The following LCE2D variants were observed in gnomAD, a reference collection of about 807,000 sequenced individuals.
LCE2D encodes late cornified envelope 2D.
For missense variants in LCE2D, 161 were observed against 142.9 expected, an observed-to-expected ratio of 1.13 and a Z score of -0.65; for synonymous variants, 55 against 51.3, an observed-to-expected ratio of 1.07 and a Z score of -0.31.
At position 152,664,137 on chromosome 1, in the gene LCE2D, A is replaced by T; in HGVS notation, c.32A>T (p.Gln11Leu). ...TGCCAGCAAAACCAGCAGCAGTGCC[A>T]GCCCCCTCCCAAATGTCCTCCCAAG... MSCQQNQQQC[Q>L]PPPKCPPKCT... Residue 11 changes from glutamine (Q) to leucine (L), a missense_variant, in exon 2 of 2, where the codon CAG becomes CTG. Gln to Leu is a moderately radical substitution (Grantham distance 113, BLOSUM62 -2). Coordinates refer to ENST00000368784, the MANE Select transcript of LCE2D (RefSeq NM_178430.4). 6.2e-7 allele frequency: 1 copy of T among 1,614,170 alleles called. No individual in the cohort carries two copies. The highest frequency in any genetic ancestry group is 8.5e-7 in the Non-Finnish European group (1 of 1,180,016).
rs766724137 is a variant in LCE2D, at chr1:152,664,227, C to T, written c.122C>T (p.Ser41Phe). Residue 41 changes from serine (S) to phenylalanine (F), a missense_variant, in exon 2 of 2, where the codon TCC becomes TTC. Ser to Phe is a radical substitution (Grantham distance 155, BLOSUM62 -2). Transcript: ENST00000368784. ...KCPPQCPAPC[S>F]PAVSSCCGPS... ...CCACCACAGTGCCCAGCTCCATGTTCCCCTGCAGTCTCTTCCTGCTGTGGT... is the reference window on the plus strand; with the variant it reads ...CCACCACAGTGCCCAGCTCCATGTTTCCCTGCAGTCTCTTCCTGCTGTGGT... 4.2e-5 allele frequency: 68 copies of T among 1,614,094 alleles called. 1 individual carries two copies. The highest frequency in any genetic ancestry group is 8.8e-5 in the South Asian group (8 of 91,086).
In LCE2D at chr1:152,664,435, C is replaced by T; in HGVS notation, c.330C>T (p.Cys110=). ...GCTGCCACAGCTCTGGGGGCTGCTG[C>T]TGACCTGGGCTGCAGAAGAGCTCTG... ...SGCCHSSGGC[C] is the part of the protein sequence containing the mutation. Residue 110 remains cysteine (C), a synonymous_variant, in exon 2 of 2, where the codon TGC becomes TGT. Transcript: ENST00000368784. 1 of 1,609,988 alleles carries T rather than the reference C, an allele frequency of 6.2e-7. No homozygotes were observed.
chr1:152,663,734 T>C (rs74129687), intron 1 of LCE2D, among the ~76,000 whole-genome samples: 2,730 of 152,304 alleles, frequency 0.018, 94 homozygotes, highest in African/African-American at 0.062. Context: ...GGAGTTTTCA[T>C]GGCTAAACAT....
chr1:152,664,193 C>T lies in LCE2D; in HGVS notation c.88C>T (p.Pro30Ser). ...CTPKCPPKCP[P>S]KCPPQCPAPC... The stretch of plus-strand genomic sequence containing the variant: ...CCCAAAATGTCCACCTAAGTGTCCC[C>T]CCAAATGCCCACCACAGTGCCCAGC... Residue 30 changes from proline (P) to serine (S), a missense_variant, in exon 2 of 2, where the codon CCC becomes TCC. By Grantham distance (74) the Pro-to-Ser change is moderately conservative. Transcript: ENST00000368784. The T allele has an allele frequency of 6.2e-7, 1 of 1,614,228 alleles. No homozygotes were observed. Among genetic ancestry groups the T allele is most frequent in the Non-Finnish European group, 8.5e-7 (1 of 1,180,048 alleles).
intron 1 of LCE2D, 101 bp from the exon 2 acceptor site, chr1:152,663,984 C>T (rs1648476004): frequency 3.7e-6 from 5 of 1,339,214 alleles, no homozygotes; most frequent in East Asian, 4.7e-5. Flanking sequence ...GACTGTATTA[C>T]CTAAATATCA....
In LCE2D at chr1:152,664,325, A is replaced by G; in HGVS notation, c.220A>G (p.Ser74Gly). 2 of 1,613,932 alleles carry G rather than the reference A, an allele frequency of 1.2e-6. No individual in the cohort carries two copies. Among genetic ancestry groups the G allele is most frequent in the South Asian group, 2.2e-5 (2 of 91,056 alleles). Residue 74 changes from serine to glycine, a missense_variant, in exon 2 of 2, where the codon AGC becomes GGC. Physicochemically the swap from Ser to Gly is moderately conservative, Grantham distance 56 (BLOSUM62 0). Transcript: ENST00000368784. The stretch of plus-strand genomic sequence containing the variant: ...CTCTGGGGGTGGTGGCTGCTGCCTG[A>G]GCCACCACAGGCCCCGTCTCTTCCA... ...CSSGGGGCCL[S>G]HHRPRLFHRR...
chr1:152,663,963 G>T (rs544357298), intron 1 of LCE2D, 122 bp from the exon 2 acceptor site: 10 of 1,117,906 alleles, frequency 8.9e-6, no homozygotes, highest in Admixed American at 2.8e-5. Context: ...TTTCTTTCAG[G>T]TTACTGATGT....
intron 1 of LCE2D, 120 bp from the exon 2 acceptor site, chr1:152,663,965 T>C (rs541463592): frequency 3.1e-4 from 347 of 1,134,724 alleles, no homozygotes; most frequent in Non-Finnish European, 4.2e-4. Flanking sequence ...TCTTTCAGGT[T>C]ACTGATGTGA....
rs958277741 is a variant in LCE2D, at chr1:152,664,588, G to A, written c.*150G>A. The A allele has an allele frequency of 3.5e-6, 4 of 1,144,512 alleles. No individual in the cohort carries two copies. The highest frequency in any genetic ancestry group is 2.5e-5 in the East Asian group (1 of 39,346). The allele number at this position is 1,144,512 out of a possible 1,614,324, so 70.9% of individuals were successfully genotyped here. ...TCCCCAGAACTTTGTGCTTGATGGA[G>A]CACCCCAGATGGAAGCCTTCTTTTT... On this transcript the variant is annotated 3_prime_UTR_variant, in exon 2 of 2. Transcript: ENST00000368784.
At chr1:152,664,038 T>C in intron 1 of LCE2D, 47 bp from the exon 2 acceptor site, 2 of 1,577,226 alleles carry the variant, frequency 1.3e-6, no homozygotes, top group Non-Finnish European at 1.7e-6. Flanking sequence ...GGCATAATTA[T>C]GACCTTTGGT....
rs182232627 is a variant in LCE2D, at chr1:152,664,487, A to C, written c.*49A>C. 2,066 of 1,550,014 alleles carry C rather than the reference A, an allele frequency of 1.3e-3. 1 individual carries two copies. The highest frequency in any genetic ancestry group is 1.7e-3 in the Non-Finnish European group (1,903 of 1,151,702). On this transcript the variant is annotated 3_prime_UTR_variant, in exon 2 of 2. Transcript: ENST00000368784. ...TACTGAATGGTCAAAAACCTGCTAC[A>C]GCCTGATGCTTAACTATTTCCCCTT...
chr1:152,663,943 A>T (rs1008502554), intron 1 of LCE2D, 142 bp from the exon 2 acceptor site: 6 of 938,622 alleles, frequency 6.4e-6, no homozygotes, highest in Non-Finnish European at 7.9e-6. Flanking sequence ...TGGAAGAAAG[A>T]TTCAAGTTGT....
In LCE2D at chr1:152,664,378, C is replaced by G; in HGVS notation, c.273C>G (p.Cys91Trp). The change falls in exon 2 of 2, where the codon TGC becomes TGG. Residue 91 changes from cysteine to tryptophan, a missense_variant. Coordinates refer to ENST00000368784, the MANE Select transcript of LCE2D (RefSeq NM_178430.4). ...FHRRRHQSPD[C>W]CESEPSGASG... Reference sequence around the variant, plus strand: ...GGCGCCGGCACCAGAGCCCCGATTGCTGTGAGAGTGAACCTTCTGGGGCCT... The same window carrying G: ...GGCGCCGGCACCAGAGCCCCGATTGGTGTGAGAGTGAACCTTCTGGGGCCT... The G allele has an allele frequency of 6.2e-7, 1 of 1,608,230 alleles. No homozygotes were observed. The highest frequency in any genetic ancestry group is 8.5e-7 in the Non-Finnish European group (1 of 1,175,462).
At chr1:152,663,560 C>G (rs751284159) in intron 1 of LCE2D, 131 bp downstream of exon 1, 1 of 156,640 alleles carries the variant, frequency 6.4e-6, no homozygotes, top group African/African-American at 2.4e-5. Context: ...CTCAGTTTGC[C>G]TCAAATCTCT....
At position 152,664,556 on chromosome 1, in the gene LCE2D, T is replaced by A; in HGVS notation, c.*118T>A. On this transcript the variant is annotated 3_prime_UTR_variant, in exon 2 of 2. Transcript: ENST00000368784. ...GGTGGACAGGGACCACAAAGACTCA[T>A]GGGGCTTCCCCAGAACTTTGTGCTT... The A allele has an allele frequency of 6.9e-7, 1 of 1,443,366 alleles. No individual in the cohort carries two copies. The highest frequency in any genetic ancestry group is 9.3e-7 in the Non-Finnish European group (1 of 1,079,550). The allele number at this position is 1,443,366 out of a possible 1,614,324, so 89.4% of individuals were successfully genotyped here.
Position 152,664,208 on chromosome 1 carries a change from C to A in LCE2D, c.103C>A (p.Gln35Lys). 3 of 1,614,232 alleles carry A rather than the reference C, an allele frequency of 1.9e-6. No individual in the cohort carries two copies. Among genetic ancestry groups the A allele is most frequent in the Non-Finnish European group, 2.5e-6 (3 of 1,180,048 alleles). The change falls in exon 2 of 2, where the codon CAG becomes AAG. Residue 35 changes from glutamine (Q) to lysine (K), a missense_variant. Coordinates refer to ENST00000368784, the MANE Select transcript of LCE2D (RefSeq NM_178430.4). ...TAAGTGTCCCCCCAAATGCCCACCA[C>A]AGTGCCCAGCTCCATGTTCCCCTGC... ...PPKCPPKCPP[Q>K]CPAPCSPAVS...
Position 152,664,654 on chromosome 1 carries a change from T to C in LCE2D, c.*216T>C. 1.6e-6 allele frequency: 1 copy of C among 622,930 alleles called. No homozygotes were observed. The highest frequency in any genetic ancestry group is 2.7e-6 in the Non-Finnish European group (1 of 368,824). 38.6% of individuals were successfully genotyped at this position (622,930 alleles called of 1,614,324 possible). A position where few individuals can be genotyped will look rare whatever the true frequency, so the allele number is the denominator to read the frequency against. ...TTGTAATAAAGCTCTGATTTCTGACTCTTTAAATGTCTTGGTCATACTCTT... is the reference window on the plus strand; with the variant it reads ...TTGTAATAAAGCTCTGATTTCTGACCCTTTAAATGTCTTGGTCATACTCTT... On this transcript the variant is annotated 3_prime_UTR_variant, in exon 2 of 2. Coordinates refer to ENST00000368784, the MANE Select transcript of LCE2D (RefSeq NM_178430.4).
At chr1:152,663,797 G>C (rs552700314) in intron 1 of LCE2D, among the ~76,000 whole-genome samples, 78 of 152,306 alleles carry the variant, frequency 5.1e-4, no homozygotes, top group African/African-American at 1.8e-3. Context: ...GCTGGGGCTT[G>C]TATTAAGAGA....
rs561683366 is a variant in LCE2D at position 152,663,394 on chromosome 1, C to G, written c.-57C>G. 6.6e-6 allele frequency: 1 copy of G among 152,606 alleles called. No homozygotes were observed. Among genetic ancestry groups the G allele is most frequent in the South Asian group, 2.1e-4 (1 of 4,824 alleles). The allele number at this position is 152,606 out of a possible 1,614,324, so 9.5% of individuals were successfully genotyped here. ...TTCAGCACCTCATCTGCTCTGACTC[C>G]CCAGGGACGTGTCTGTGCTTTTGCA... On this transcript the variant is annotated 5_prime_UTR_variant, in exon 1 of 2. Transcript: ENST00000368784.
Sources: allele counts gnomAD v4.1 joint callset (sites outside exome capture counted in the v4.1 genomes callset), GRCh38; gene constraint gnomAD v4.1.1; transcripts MANE v1.5; gene names NCBI Gene and HGNC (gene_info 2026-07-23, HGNC 2026-07-21).